The following SMG6 variants were observed in gnomAD, a reference collection of about 807,000 sequenced individuals.
SMG6 encodes SMG6 nonsense mediated mRNA decay factor, also known as telomerase-binding protein EST1A.
A neutral mutation model predicts 142.2 loss-of-function variants in SMG6; 66 were observed. The observed-to-expected ratio is 0.46, with a 90% CI of 0.38 to 0.57. The LOEUF is 0.57. SMG6 is among the 20% of genes least tolerant of loss of function. The probability of loss-of-function intolerance (pLI) is 0.00; values close to 1 mark genes in which losing one functional copy is unlikely to be tolerated. For synonymous variants in SMG6, 779 were observed against 702.4 expected (o/e 1.11, Z -1.72); for missense variants, 1,793 against 1,832.0 (o/e 0.98, Z 0.39).
chr17:2,112,572 AG>A (rs2069370635), intron 13 of SMG6, among the ~76,000 whole-genome samples: 1 of 149,204 alleles, frequency 6.7e-6, no homozygotes, highest in Admixed American at 6.7e-5. Flanking sequence ...AATAAATAAA[AG>A]GCAATGGTCT....
intron 8 of SMG6, among the ~76,000 whole-genome samples, chr17:2,252,726 T>C (rs2074075294): frequency 6.6e-6 from 1 of 152,094 alleles, no homozygotes; most frequent in African/African-American, 2.4e-5. Flanking sequence ...AGAATCAGAA[T>C]CCTCAAGGAC....
intron 13 of SMG6, among the ~76,000 whole-genome samples, chr17:2,131,881 G>T (rs1445782452): frequency 6.6e-6 from 1 of 152,058 alleles, no homozygotes; most frequent in Non-Finnish European, 1.5e-5. Flanking sequence ...AGACCAGCCT[G>T]GCCAACACAG....
At chr17:2,098,374 C>A (rs2068914665) in intron 13 of SMG6, among the ~76,000 whole-genome samples, 1 of 152,204 alleles carries the variant, frequency 6.6e-6, no homozygotes, top group African/African-American at 2.4e-5. Context: ...AAGCCCTCCA[C>A]CAACTATTCC....
chr17:2,199,853 A>C (rs1183851151), intron 10 of SMG6: 1 of 150,044 alleles, frequency 6.7e-6, no homozygotes, highest in South Asian at 2.2e-4. Flanking sequence ...GTTGCAGTGA[A>C]CTGAGATTGT....
At chr17:2,072,584 G>A (rs1037176524) in intron 15 of SMG6, among the ~76,000 whole-genome samples, 4 of 152,178 alleles carry the variant, frequency 2.6e-5, no homozygotes, top group Non-Finnish European at 4.4e-5. Flanking sequence ...CCTTCTCTAC[G>A]GTGGAGATGA....
intron 13 of SMG6, among the ~76,000 whole-genome samples, chr17:2,130,266 CAAA>C (rs903007543): frequency 1.5e-4 from 6 of 39,520 alleles, no homozygotes; most frequent in Non-Finnish European, 2.0e-4. Context: ...GACTCCGTCT[CAAA>C]AAAAAAAAAA....
chr17:2,176,769 C>G (rs780366051), intron 12 of SMG6, among the ~76,000 whole-genome samples: 1 of 152,138 alleles, frequency 6.6e-6, no homozygotes, highest in African/African-American at 2.4e-5. Flanking sequence ...TGGCTGGAGT[C>G]GGAAAGCCAG....
chr17:2,225,323 A>AAAAAAAAG (rs1449897523), intron 10 of SMG6, among the ~76,000 whole-genome samples: 1 of 144,218 alleles, frequency 6.9e-6, no homozygotes, highest in African/African-American at 2.9e-5. Flanking sequence ...CTAAAAATAC[A>AAAAAAAAG]AAAAAAAGAA....
chr17:2,124,659 C>T (rs554727619), intron 13 of SMG6, among the ~76,000 whole-genome samples: 71 of 152,178 alleles, frequency 4.7e-4, no homozygotes, highest in African/African-American at 1.5e-3. Context: ...GTGATCTCCC[C>T]GGGGAGTCAT....
At chr17:2,283,489 C>G (rs1000402615) in intron 7 of SMG6, 136 bp downstream of exon 7, 3 of 706,714 alleles carry the variant, frequency 4.2e-6, no homozygotes, top group African/African-American at 1.7e-5. Flanking sequence ...CGAGGACACA[C>G]AGACACTGAG....
intron 13 of SMG6, among the ~76,000 whole-genome samples, chr17:2,118,870 T>C (rs2069590602): frequency 6.6e-6 from 1 of 150,920 alleles, no homozygotes; most frequent in Non-Finnish European, 1.5e-5. Context: ...ATTATAGGCA[T>C]GGGCCACTGT....
At position 2,297,287 on chromosome 17, in the gene SMG6, A is replaced by T; in HGVS notation, c.2107T>A (p.Tyr703Asn). 11 of 1,613,618 alleles carry T rather than the reference A, an allele frequency of 6.8e-6. No individual in the cohort carries two copies. The highest frequency in any genetic ancestry group is 9.3e-6 in the Non-Finnish European group (11 of 1,179,740). Residue 703 changes from tyrosine to asparagine, a missense_variant, in exon 4 of 19, where the codon TAC becomes AAC. By Grantham distance (143) the Tyr-to-Asn change is moderately radical (BLOSUM62 -2). Coordinates refer to ENST00000263073, the MANE Select transcript of SMG6 (RefSeq NM_017575.5). ...QVTYKFKLED[Y>N]MDGLAIRSKP... The stretch of plus-strand genomic sequence containing the variant: ...CTGCGAATGGCAAGACCATCCATGT[A>T]GTCTTCCAGTTTGAACTTGTAAGTA...
chr17:2,227,531 AACATACGGTG>A (rs2073352639), intron 10 of SMG6, among the ~76,000 whole-genome samples: 1 of 152,240 alleles, frequency 6.6e-6, no homozygotes, highest in African/African-American at 2.4e-5. Context: ...AGACAAATCT[AACATACGGTG>A]ACAGAAAGCA....
At position 2,299,857 on chromosome 17, in the gene SMG6, G is replaced by T; in HGVS notation, c.896C>A (p.Ser299Tyr). 1 of 1,614,100 alleles carries T rather than the reference G, an allele frequency of 6.2e-7. No homozygotes were observed. The highest frequency in any genetic ancestry group is 8.5e-7 in the Non-Finnish European group (1 of 1,179,968). The change falls in exon 2 of 19, where the codon TCC (serine) becomes TAC (tyrosine). Residue 299 changes from serine (S) to tyrosine (Y), a missense_variant. Physicochemically the swap from Ser to Tyr is moderately radical, Grantham distance 144. Around this residue, in one of 3 missense-constraint regions of SMG6, gnomAD observed 1,597 missense variants for 1,584.6 expected, o/e 1.01. Transcript: ENST00000263073. The surrounding 1 kb of genome is among the most constrained non-coding windows in gnomAD (Gnocchi z 4.3). ...RPRLKKQVSV[S>Y]STDSLDEDRI... ...GTCCTCGTCTAAGGAATCGGTTGAG[G>T]ACACAGACACTTGCTTCTTCAGTCG...
intron 10 of SMG6, among the ~76,000 whole-genome samples, chr17:2,225,156 T>G: frequency 6.6e-6 from 1 of 151,856 alleles, no homozygotes; most frequent in Non-Finnish European, 1.5e-5. Flanking sequence ...GGGTCTGAAA[T>G]GCAAAAGTGA....
chr17:2,092,425 A>G (rs749605492), intron 13 of SMG6, among the ~76,000 whole-genome samples: 12 of 152,156 alleles, frequency 7.9e-5, no homozygotes, highest in Non-Finnish European at 1.6e-4. Flanking sequence ...AGAGGAGGCA[A>G]TGAGGGCCAT....
At position 2,065,581 on chromosome 17, in the gene SMG6, C is replaced by G; in HGVS notation, c.3934G>C (p.Glu1312Gln). 6.2e-7 allele frequency: 1 copy of G among 1,614,116 alleles called. No individual in the cohort carries two copies. The highest frequency in any genetic ancestry group is 1.1e-5 in the South Asian group (1 of 91,086). Residue 1312 changes from glutamate to glutamine, a missense_variant, in exon 17 of 19, where the codon GAG becomes CAG. Glu to Gln is a conservative substitution (Grantham distance 29). Transcript: ENST00000263073. The stretch of plus-strand genomic sequence containing the variant: ...CTCTCGAATCGCTGCTCGAGGAACT[C>G]GATGGACTTGCGGGCCTTCTCTTGT... ...VVQEKARKSIEFLEQRFESRD... is the reference protein window; with the variant it reads ...VVQEKARKSIQFLEQRFESRD...
At chr17:2,093,363 C>A (rs2151455442) in intron 13 of SMG6, among the ~76,000 whole-genome samples, 1 of 152,112 alleles carries the variant, frequency 6.6e-6, no homozygotes, top group South Asian at 2.1e-4. Context: ...GTCAGAGCTG[C>A]AGTGAGCCAT....
rs542333489 is a variant in SMG6, at chr17:2,259,319, T to C, written c.2662-14600A>G. On this transcript the variant is annotated intron_variant, in intron 8 of 18. Transcript: ENST00000263073. ...GCATGTAACAACATGCACCCTCAAA[T>C]AGTATCAGTAAGAAGAGATAAAAGA... 1.6e-4 allele frequency among the ~76,000 whole-genome samples: 25 copies of C among 152,048 alleles called. 1 individual carries two copies. The East Asian group carries it at 4.1e-3, about 25-fold the overall frequency.
Sources: gnomAD v4.1 joint callset for allele counts (sites outside exome capture counted in the v4.1 genomes callset) on GRCh38, gnomAD v4.1.1 for gene constraint, gnomAD v4.1.1 regional missense constraint, Gnocchi (gnomAD v3.1) non-coding constraint, MANE v1.5 for transcripts, NCBI Gene and HGNC (gene_info 2026-07-23, HGNC 2026-07-21) for gene names.